Variants in USP46 observed in about 807,000 individuals in gnomAD.
USP46 encodes the protein ubiquitin specific peptidase 46, also known as ubiquitin carboxyl-terminal hydrolase 46.
In USP46, 12 loss-of-function variants were observed where a neutral mutation model predicts 44.4. The observed-to-expected ratio is 0.27, with a 90% CI of 0.17 to 0.44. The LOEUF (loss-of-function observed/expected upper bound fraction) is 0.44, where lower values mean the gene tolerates loss of function less well. Among genes scored for constraint, USP46 ranks in the 20% least tolerant of loss-of-function variants. USP46 has a pLI of 1.00. For missense variants in USP46, 248 were observed against 444.8 expected, an observed-to-expected ratio of 0.56 and a Z score of 3.98; for synonymous variants, 155 against 161.5, an observed-to-expected ratio of 0.96 and a Z score of 0.31.
intron 1 of USP46, chr4:52,651,189 C>G (rs1718758574): frequency 1.3e-5 from 2 of 151,690 alleles, no homozygotes; most frequent in South Asian, 4.2e-4. Context: ...AAAACTTTCA[C>G]ATGGCAGGTA....
intron 5 of USP46, among the ~76,000 whole-genome samples, 177 bp downstream of exon 5, chr4:52,610,364 C>G (rs534225128): frequency 6.6e-6 from 1 of 152,176 alleles, no homozygotes; most frequent in East Asian, 1.9e-4. Flanking sequence ...GCTCTTTTTT[C>G]TCAGTGGGAC....
intron 1 of USP46, among the ~76,000 whole-genome samples, chr4:52,634,247 G>A (rs1388767302): frequency 3.3e-5 from 5 of 151,016 alleles, no homozygotes; most frequent in South Asian, 2.1e-4. Context: ...GGTGGCTCAC[G>A]CCTGTAATCC....
chr4:52,620,138 AG>A (rs2109620707), intron 4 of USP46, among the ~76,000 whole-genome samples: 1 of 152,302 alleles, frequency 6.6e-6, no homozygotes, highest in East Asian at 1.9e-4. Context: ...GCTAGGTAAA[AG>A]CTTTTGCAAT....
At chr4:52,603,681 T>C (rs1184285894) in intron 6 of USP46, among the ~76,000 whole-genome samples, 4 of 152,098 alleles carry the variant, frequency 2.6e-5, no homozygotes, top group Non-Finnish European at 4.4e-5. Context: ...TATCACCTGT[T>C]CTTTTTCTTT....
intron 5 of USP46, among the ~76,000 whole-genome samples, chr4:52,609,898 C>CTTTTTTTTTTTTTTTTTTTTTTTTT (rs66817554): frequency 4.1e-5 from 1 of 24,586 alleles, no homozygotes; most frequent in Non-Finnish European, 8.2e-5. Flanking sequence ...AATTCTATTT[C>CTTTTTTTTTTTTTTTTTTTTTTTTT]TTTTTTTTTT....
At chr4:52,656,469 G>C in intron 1 of USP46, 1 of 1,446,118 alleles carries the variant, frequency 6.9e-7, no homozygotes, top group Non-Finnish European at 9.1e-7. Context: ...AGGGGGCGGG[G>C]TTAAGGATTC....
At chr4:52,628,260 T>C in intron 2 of USP46, 97 bp from the exon 3 acceptor site, 1 of 1,199,874 alleles carries the variant, frequency 8.3e-7, no homozygotes, top group East Asian at 2.5e-5. Flanking sequence ...CTCCGTGAAC[T>C]GGCCTGGATG....
At chr4:52,603,447 C>A (rs1716557057) in intron 6 of USP46, among the ~76,000 whole-genome samples, 1 of 152,176 alleles carries the variant, frequency 6.6e-6, no homozygotes, top group Admixed American at 6.5e-5. Flanking sequence ...CAGGTCTAGA[C>A]CCCTGAGGGT....
intron 4 of USP46, among the ~76,000 whole-genome samples, chr4:52,618,304 C>T (rs948238520): frequency 3.3e-5 from 5 of 152,182 alleles, no homozygotes; most frequent in Non-Finnish European, 7.3e-5. Flanking sequence ...GCCTGGCCAA[C>T]ATGGTGAAAC....
intron 7 of USP46, among the ~76,000 whole-genome samples, chr4:52,600,410 G>A (rs1716423830): frequency 6.6e-6 from 1 of 152,134 alleles, no homozygotes; most frequent in African/African-American, 2.4e-5. Flanking sequence ...GGCCAGCCCT[G>A]CTCCACATAG....
chr4:52,610,542 T>G lies in USP46; in HGVS notation c.637A>C (p.Arg213=). 1 of 1,613,800 alleles carries G rather than the reference T, an allele frequency of 6.2e-7. No individual in the cohort carries two copies. ...CAAACTGCCTCAGAGTTCATATACC[T>G]TAGACAGTGGGTAATGGATGTATTC... ...EQNTSITHCL[R]DFSNTETLCS... is the part of the protein sequence containing the mutation. Residue 213 remains arginine (R), a splice_region_variant and synonymous_variant, in exon 5 of 9, where the codon AGA becomes CGA. Transcript: ENST00000441222.
At chr4:52,607,243 C>T (rs1716722133) in intron 5 of USP46, among the ~76,000 whole-genome samples, 1 of 152,164 alleles carries the variant, frequency 6.6e-6, no homozygotes, top group Non-Finnish European at 1.5e-5. Context: ...GAGTAATGCT[C>T]TTAGGGCATC....
chr4:52,631,309 G>A (rs1412150748), intron 1 of USP46, among the ~76,000 whole-genome samples, 165 bp from the exon 2 acceptor site: 1 of 152,202 alleles, frequency 6.6e-6, no homozygotes, highest in Admixed American at 6.5e-5. Flanking sequence ...CAGAAGAGTA[G>A]TTAATAATGT....
chr4:52,639,772 C>G (rs1718259883), intron 1 of USP46, among the ~76,000 whole-genome samples: 1 of 151,870 alleles, frequency 6.6e-6, no homozygotes, highest in South Asian at 2.1e-4. Context: ...ACAGGGTTCA[C>G]TGCAGCGTCA....
intron 1 of USP46, among the ~76,000 whole-genome samples, chr4:52,649,505 G>C (rs1230495137): frequency 6.6e-6 from 1 of 152,190 alleles, no homozygotes. Context: ...AAGCCTTGCT[G>C]CTCTAAAAAT....
rs557234527 is a variant in USP46, at chr4:52,616,726, G to C, written c.562-6109C>G. 2.0e-5 allele frequency among the ~76,000 whole-genome samples: 3 copies of C among 152,282 alleles called. No homozygotes were observed. The East Asian group carries it at 5.8e-4, about 29-fold the overall frequency. Reference sequence around the variant, plus strand: ...TACATTTACCAGGACAGACCATGTGGAAGGACATAAGACATATCTCAATAA... The same window carrying C: ...TACATTTACCAGGACAGACCATGTGCAAGGACATAAGACATATCTCAATAA... On this transcript the variant is annotated intron_variant, in intron 4 of 8. Coordinates refer to ENST00000441222, the MANE Select transcript of USP46 (RefSeq NM_022832.4).
At chr4:52,600,112 G>C (rs897291718) in intron 7 of USP46, among the ~76,000 whole-genome samples, 3 of 152,118 alleles carry the variant, frequency 2.0e-5, no homozygotes, top group Admixed American at 6.5e-5. Context: ...GGGGTAGCAG[G>C]GTGGTGTGTT....
intron 1 of USP46, among the ~76,000 whole-genome samples, chr4:52,631,725 G>A (rs371180723): frequency 6.6e-6 from 1 of 152,110 alleles, no homozygotes; most frequent in Non-Finnish European, 1.5e-5. Context: ...TAGTGCAGGG[G>A]CTGGGTGCAG....
In USP46 at chr4:52,597,656, T is replaced by C. The variant is rs778970172; in HGVS notation, c.1085A>G (p.Tyr362Cys). ...GTCTTTCAGTTACTCTCTTGACTGA[T>C]AGAATAAAATATATCCAGATTCTGA... ...KNSESGYILF[Y>C]QSRE Residue 362 changes from tyrosine (Y) to cysteine (C), a missense_variant, in exon 9 of 9, where the codon TAT becomes TGT. Transcript: ENST00000441222. 5 of 1,587,852 alleles carry C rather than the reference T, an allele frequency of 3.1e-6. No homozygotes were observed. The highest frequency in any genetic ancestry group is 1.8e-5 in the Admixed American group (1 of 56,254).
Sources: gnomAD v4.1 joint callset for allele counts (sites outside exome capture counted in the v4.1 genomes callset) on GRCh38, gnomAD v4.1.1 for gene constraint, MANE v1.5 for transcripts, NCBI Gene and HGNC (gene_info 2026-07-23, HGNC 2026-07-21) for gene names.